CRISPLD2: variants seen among roughly 807,000 people sequenced by gnomAD.
The protein encoded by CRISPLD2 is cysteine-rich secretory protein LCCL domain-containing 2.
A neutral mutation model predicts 71.1 loss-of-function variants in CRISPLD2; 47 were observed. The ratio of observed to expected loss-of-function variants is 0.66; its 90% confidence interval spans 0.52 to 0.84. CRISPLD2 has a LOEUF of 0.84. Among genes scored for constraint, CRISPLD2 ranks in the 40% least tolerant of loss-of-function variants. The pLI, the probability that CRISPLD2 is intolerant of heterozygous loss-of-function variation, is 0.00. For synonymous variants in CRISPLD2, 317 were observed against 250.1 expected, an observed-to-expected ratio of 1.27 and a Z score of -2.52; for missense variants, 830 against 651.1, an observed-to-expected ratio of 1.27 and a Z score of -2.99.
chr16:84,821,535 A>T (rs1164040690), intron 1 of CRISPLD2, among the ~76,000 whole-genome samples: 1 of 152,152 alleles, frequency 6.6e-6, no homozygotes, highest in Admixed American at 6.5e-5. Flanking sequence ...CCCAGCTGGT[A>T]TGGAATGCTG....
rs949402596 is a variant in CRISPLD2 at position 84,891,689 on chromosome 16, C to T, written c.1439+2326C>T. Among the ~76,000 whole-genome samples, 5 of 152,346 alleles carry T rather than the reference C, an allele frequency of 3.3e-5. No homozygotes were observed. In the East Asian group the frequency reaches 9.7e-4, roughly 29 times the overall value. On this transcript the variant is annotated intron_variant, in intron 14 of 14. Transcript: ENST00000262424. Reference sequence around the variant, plus strand: ...GGATTTGTTCCCTGTCGGGCTGATTCATGAGAACATCACAGCAGTGCCCTG... The same window carrying T: ...GGATTTGTTCCCTGTCGGGCTGATTTATGAGAACATCACAGCAGTGCCCTG...
intron 6 of CRISPLD2, among the ~76,000 whole-genome samples, chr16:84,860,393 G>A (rs186835887): frequency 2.0e-5 from 3 of 151,966 alleles, no homozygotes; most frequent in Non-Finnish European, 4.4e-5. Flanking sequence ...AGTTCTTTTC[G>A]AGTGTAGCAT....
At chr16:84,906,203 G>A (rs535295338) in intron 14 of CRISPLD2, among the ~76,000 whole-genome samples, 2 of 152,120 alleles carry the variant, frequency 1.3e-5, no homozygotes, top group East Asian at 1.9e-4. Context: ...GGCATATGCA[G>A]TAGTGCTGAG....
At chr16:84,834,776 C>G (rs1289934384) in intron 1 of CRISPLD2, among the ~76,000 whole-genome samples, 1 of 152,068 alleles carries the variant, frequency 6.6e-6, no homozygotes, top group Non-Finnish European at 1.5e-5. Context: ...CTCTCTGTGG[C>G]TGGCAGACGG....
intron 6 of CRISPLD2, among the ~76,000 whole-genome samples, chr16:84,864,669 T>G (rs1917487254): frequency 6.6e-6 from 1 of 152,354 alleles, no homozygotes; most frequent in Admixed American, 6.5e-5. Context: ...CAGGATTCTC[T>G]GGGGGTTTTG....
At chr16:84,854,900 G>A in intron 6 of CRISPLD2, 71 bp downstream of exon 6, 1 of 1,187,180 alleles carries the variant, frequency 8.4e-7, no homozygotes, top group Non-Finnish European at 1.3e-6. Context: ...AGCGTTACAT[G>A]AAACAGGGGA....
At chr16:84,855,322 C>G (rs1202397465) in intron 6 of CRISPLD2, among the ~76,000 whole-genome samples, 2 of 152,056 alleles carry the variant, frequency 1.3e-5, no homozygotes, top group African/African-American at 4.8e-5. Flanking sequence ...GTATTAAACT[C>G]ACGTGATCAC....
At chr16:84,874,491 C>G (rs1597472250) in intron 11 of CRISPLD2, among the ~76,000 whole-genome samples, 1 of 152,286 alleles carries the variant, frequency 6.6e-6, no homozygotes, top group Non-Finnish European at 1.5e-5. Flanking sequence ...GGCGAGCACA[C>G]TCCAACCAGA....
At chr16:84,874,962 C>G (rs994730442) in intron 11 of CRISPLD2, among the ~76,000 whole-genome samples, 4 of 152,112 alleles carry the variant, frequency 2.6e-5, no homozygotes, top group African/African-American at 4.8e-5. Flanking sequence ...ATGTGTCTGG[C>G]TGATGCAGCA....
At chr16:84,870,597 G>A (rs1347609409) in intron 8 of CRISPLD2, among the ~76,000 whole-genome samples, 2 of 152,102 alleles carry the variant, frequency 1.3e-5, no homozygotes, top group Admixed American at 6.5e-5. Flanking sequence ...GATTACAGGC[G>A]TGAGCCACTG....
rs148726852 is a variant in CRISPLD2 at position 84,877,473 on chromosome 16, C to T, written c.1192C>T (p.Leu398=). Residue 398 remains leucine, a synonymous_variant, in exon 12 of 15, where the codon CTG becomes TTG. Coordinates refer to ENST00000262424, the MANE Select transcript of CRISPLD2 (RefSeq NM_031476.4). ...GGACTGCTACACGACCGTTGCTCAG[C>T]TGTGCCCGTTTGAAAAGCCAGCAAC... The part of the protein sequence containing the change: ...DLDCYTTVAQ[L]CPFEKPATHC... 64 of 1,613,892 alleles carry T rather than the reference C, an allele frequency of 4.0e-5. No homozygotes were observed. The East Asian group carries it at 1.4e-3, about 35-fold the overall frequency.
chr16:84,888,427 T>C (rs552208948), intron 13 of CRISPLD2, among the ~76,000 whole-genome samples: 1 of 152,238 alleles, frequency 6.6e-6, no homozygotes, highest in Non-Finnish European at 1.5e-5. Flanking sequence ...TCCCAGCTAC[T>C]TGGGAGGCTG....
In CRISPLD2 at chr16:84,906,856, C is replaced by T; in HGVS notation, c.*214C>T. 1 of 643,970 alleles carries T rather than the reference C, an allele frequency of 1.6e-6. No individual in the cohort carries two copies. Among genetic ancestry groups the T allele is most frequent in the Non-Finnish European group, 2.8e-6 (1 of 359,372 alleles). The allele number at this position is 643,970 out of a possible 1,614,324, so 39.9% of individuals were successfully genotyped here. On this transcript the variant is annotated 3_prime_UTR_variant, in exon 15 of 15. Coordinates refer to ENST00000262424, the MANE Select transcript of CRISPLD2 (RefSeq NM_031476.4). ...GGTGCTCAGCCGGACTCCCTGGTGC[C>T]TGATCCTGCTGGGGCCTGGGGGTCT...
At chr16:84,858,866 T>C (rs1917310389) in intron 6 of CRISPLD2, among the ~76,000 whole-genome samples, 1 of 152,154 alleles carries the variant, frequency 6.6e-6, no homozygotes, top group Non-Finnish European at 1.5e-5. Context: ...GCTCAAGCAA[T>C]GAAACCACAT....
intron 14 of CRISPLD2, among the ~76,000 whole-genome samples, chr16:84,890,704 A>G (rs954122793): frequency 6.6e-6 from 1 of 152,012 alleles, no homozygotes. Flanking sequence ...GTGAGGCAGG[A>G]GAATCACTTG....
At chr16:84,854,545 C>G (rs142262771) in intron 5 of CRISPLD2, among the ~76,000 whole-genome samples, 184 bp from the exon 6 acceptor site, 1,527 of 152,226 alleles carry the variant, frequency 0.01, 11 homozygotes, top group Non-Finnish European at 0.018. Context: ...CTGGAGCTCT[C>G]TAGACTCTCT....
At chr16:84,898,090 G>A (rs551521384) in intron 14 of CRISPLD2, among the ~76,000 whole-genome samples, 14 of 152,222 alleles carry the variant, frequency 9.2e-5, no homozygotes, top group East Asian at 1.9e-4. Flanking sequence ...CACTCAGATC[G>A]TTTCCTTTTT....
chr16:84,853,629 G>C (rs1395082852), intron 5 of CRISPLD2, among the ~76,000 whole-genome samples: 1 of 152,206 alleles, frequency 6.6e-6, no homozygotes, highest in African/African-American at 2.4e-5. Context: ...CCCAGAGCGT[G>C]TTTCCTGCCG....
At chr16:84,854,882 C>A in intron 6 of CRISPLD2, 53 bp downstream of exon 6, 5 of 1,345,372 alleles carry the variant, frequency 3.7e-6, no homozygotes, top group East Asian at 4.6e-5. Flanking sequence ...CAGTCTGAGT[C>A]ATGCGACAGC....
Sources: allele counts gnomAD v4.1 joint callset (sites outside exome capture counted in the v4.1 genomes callset), GRCh38; gene constraint gnomAD v4.1.1; transcripts MANE v1.5; gene names NCBI Gene and HGNC (gene_info 2026-07-23, HGNC 2026-07-21).